STPG1: variants seen among roughly 807,000 people sequenced by gnomAD.
STPG1 encodes O(6)-methylguanine-induced apoptosis 2.
Under a neutral mutation model 40.1 loss-of-function variants are expected in STPG1, and 33 were observed. The ratio of observed to expected loss-of-function variants is 0.82; its 90% CI spans 0.62 to 1.10. The LOEUF (loss-of-function observed/expected upper bound fraction) is 1.10. Ranked by LOEUF, STPG1 falls within the 50% of genes least tolerant of loss-of-function variation. The probability of loss-of-function intolerance (pLI) is 0.00; values close to 1 mark genes in which losing one functional copy is unlikely to be tolerated. For missense variants in STPG1, 396 were observed against 415.1 expected, an observed-to-expected ratio of 0.95 and a Z score of 0.40; for synonymous variants, 150 against 155.0, an observed-to-expected ratio of 0.97 and a Z score of 0.24.
At chr1:24,371,566 G>A (rs1472400748) in intron 6 of STPG1, among the ~76,000 whole-genome samples, 1 of 150,014 alleles carries the variant, frequency 6.7e-6, no homozygotes, top group East Asian at 2.0e-4. Context: ...TCTCCAGCCT[G>A]GGCAACAGAG....
At chr1:24,383,746 C>A in intron 4 of STPG1, 156 bp downstream of exon 4, 1 of 585,178 alleles carries the variant, frequency 1.7e-6, no homozygotes, top group African/African-American at 1.9e-5. Flanking sequence ...ACACAGGGTC[C>A]AATTTACTTG....
Position 24,358,268 on chromosome 1 carries a change from G to A in STPG1, c.*275C>T, listed in dbSNP as rs1182408758. On this transcript the variant is annotated 3_prime_UTR_variant, in exon 9 of 9. Transcript: ENST00000337248. Reference sequence around the variant, plus strand: ...GGAAGGCAGCCTGGATGGGTGCGTGGGGAAGCAGCCAGGGGGCTCTGTCCA... The same window carrying A: ...GGAAGGCAGCCTGGATGGGTGCGTGAGGAAGCAGCCAGGGGGCTCTGTCCA... The A allele has an allele frequency of 7.8e-6, 5 of 641,618 alleles. No individual in the cohort carries two copies. Among genetic ancestry groups the A allele is most frequent in the Non-Finnish European group, 1.4e-5 (5 of 346,178 alleles). 39.7% of individuals were successfully genotyped at this position (641,618 alleles called of 1,614,324 possible). A position where few individuals can be genotyped will look rare whatever the true frequency, so the allele number is the denominator to read the frequency against.
Position 24,360,993 on chromosome 1 carries a change from C to T in STPG1, c.786G>A (p.Pro262=), listed in dbSNP as rs754801122. The T allele has an allele frequency of 3.7e-5, 60 of 1,613,348 alleles. No individual in the cohort carries two copies. The highest frequency in any genetic ancestry group is 6.7e-5 in the Admixed American group (4 of 59,872). ...NFSAQPSPLP[P]KPPFPGPGQY... is the part of the protein sequence containing the mutation. ...GACCAGGACCTGGGAAAGGTGGCTT[C>T]GGAGGCAGAGGCGAAGGCTGAGCAG... The change falls in exon 8 of 9, where the codon CCG becomes CCA. Residue 262 remains proline (P), a synonymous_variant. Transcript: ENST00000337248.
At chr1:24,410,420 C>T (rs952982654) in intron 1 of STPG1, among the ~76,000 whole-genome samples, 1 of 152,184 alleles carries the variant, frequency 6.6e-6, no homozygotes, top group African/African-American at 2.4e-5. Context: ...ACCATCCTGG[C>T]TAACACAGTG....
At chr1:24,364,880 A>G (rs1384541924) in intron 7 of STPG1, among the ~76,000 whole-genome samples, 2 of 152,340 alleles carry the variant, frequency 1.3e-5, no homozygotes, top group African/African-American at 4.8e-5. Context: ...GCAGCTTCCA[A>G]TGTGAGCTGT....
intron 7 of STPG1, 191 bp downstream of exon 7, chr1:24,369,483 A>T (rs973334986): frequency 2.8e-6 from 2 of 703,222 alleles, no homozygotes; most frequent in African/African-American, 3.5e-5. Flanking sequence ...CCTGGCACAC[A>T]GTGGTTGCTC....
intron 1 of STPG1, among the ~76,000 whole-genome samples, chr1:24,403,785 A>T (rs1186273220): frequency 6.6e-6 from 1 of 152,116 alleles, no homozygotes; most frequent in Non-Finnish European, 1.5e-5. Flanking sequence ...TAAGTAATTT[A>T]TATATATTAA....
Position 24,383,890 on chromosome 1 carries a change from A to G in STPG1, c.291+12T>C, listed in dbSNP as rs1470323123. 1 of 1,537,668 alleles carries G rather than the reference A, an allele frequency of 6.5e-7. No homozygotes were observed. Among genetic ancestry groups the G allele is most frequent in the Non-Finnish European group, 9.0e-7 (1 of 1,110,368 alleles). On this transcript the variant is annotated intron_variant, in intron 4 of 8. Transcript: ENST00000337248. The stretch of plus-strand genomic sequence containing the variant: ...ACCAGTTAATGCTTTACTCAAGAGA[A>G]GTGGTTCTCACCATTGAGGGAAACA...
intron 4 of STPG1, among the ~76,000 whole-genome samples, chr1:24,383,195 GA>G (rs1304559735): frequency 6.6e-6 from 1 of 152,198 alleles, no homozygotes; most frequent in African/African-American, 2.4e-5. Flanking sequence ...TTATAGGCAT[GA>G]GCCACCGTGC....
intron 8 of STPG1, 64 bp from the exon 9 acceptor site, chr1:24,358,683 A>G: frequency 7.6e-7 from 1 of 1,319,896 alleles, no homozygotes; most frequent in Non-Finnish European, 1.1e-6. Flanking sequence ...AGTCTCTGGC[A>G]TTCTACCTCA....
chr1:24,365,290 T>A (rs1641384000), intron 7 of STPG1, among the ~76,000 whole-genome samples: 2 of 152,160 alleles, frequency 1.3e-5, no homozygotes, highest in South Asian at 4.1e-4. Context: ...AGGAAGCAGA[T>A]CAAGGGTTAG....
intron 1 of STPG1, among the ~76,000 whole-genome samples, chr1:24,413,104 T>C (rs1268373746): frequency 1.3e-5 from 2 of 152,248 alleles, no homozygotes; most frequent in Admixed American, 1.3e-4. Context: ...CTTACATTTT[T>C]TCAAAGCACT....
intron 8 of STPG1, among the ~76,000 whole-genome samples, chr1:24,358,912 T>G (rs760384931): frequency 2.0e-5 from 3 of 152,164 alleles, no homozygotes; most frequent in Non-Finnish European, 2.9e-5. Context: ...AGTAAAGCAA[T>G]ATTCTTAAAG....
Position 24,358,378 on chromosome 1 carries a change from A to C in STPG1, c.*165T>G, listed in dbSNP as rs1372527069. The stretch of plus-strand genomic sequence containing the variant: ...GAGCAATGTCTCCAGCTCAAGACAA[A>C]GGCAATGGCAGCAGTCCGGCTAGGA... On this transcript the variant is annotated 3_prime_UTR_variant, in exon 9 of 9. Coordinates refer to ENST00000337248, the MANE Select transcript of STPG1 (RefSeq NM_001199013.2). The C allele has an allele frequency of 1.4e-6, 1 of 721,226 alleles. No homozygotes were observed. Among genetic ancestry groups the C allele is most frequent in the African/African-American group, 1.7e-5 (1 of 57,702 alleles). The allele number at this position is 721,226 out of a possible 1,614,324, so 44.7% of individuals were successfully genotyped here.
Position 24,395,577 on chromosome 1 carries a change from C to T in STPG1, c.71-3898G>A, listed in dbSNP as rs1003463847. Among the ~76,000 whole-genome samples the T allele has an allele frequency of 8.6e-5, 13 of 151,710 alleles. No homozygotes were observed. The East Asian group carries it at 1.4e-3, about 16-fold the overall frequency. ...CCTCCCGAGTAGCTGGGACTACAGG[C>T]GCCCGCCACCGCGCCCGGCTAATTT... On this transcript the variant is annotated intron_variant, in intron 2 of 8. Coordinates refer to ENST00000337248, the MANE Select transcript of STPG1 (RefSeq NM_001199013.2).
At chr1:24,410,355 A>G (rs1366872651) in intron 1 of STPG1, among the ~76,000 whole-genome samples, 1 of 152,224 alleles carries the variant, frequency 6.6e-6, no homozygotes, top group Admixed American at 6.5e-5. Flanking sequence ...TCACACCTGT[A>G]ATCCCAGCAC....
rs542674489 is a variant in STPG1, at chr1:24,367,286, T to C, written c.737+2388A>G. On this transcript the variant is annotated intron_variant, in intron 7 of 8. Coordinates refer to ENST00000337248, the MANE Select transcript of STPG1 (RefSeq NM_001199013.2). ...TGCAAACGCCATAAAATAAGAACGA[T>C]CTCAAACCACCTGTTCAAACTTGAG... 2.6e-5 allele frequency among the ~76,000 whole-genome samples: 4 copies of C among 152,276 alleles called. No homozygotes were observed. The East Asian group carries it at 5.8e-4, about 22-fold the overall frequency.
Position 24,401,518 on chromosome 1 carries a change from G to A in STPG1, c.-68-62C>T, listed in dbSNP as rs1643227879. The A allele has an allele frequency of 6.5e-6, 5 of 765,606 alleles. No individual in the cohort carries two copies. In the Admixed American group the frequency reaches 8.4e-5, roughly 13 times the overall value. 47.4% of individuals were successfully genotyped at this position (765,606 alleles called of 1,614,324 possible). On this transcript the variant is annotated intron_variant, in intron 1 of 8. Transcript: ENST00000337248. ...TCACATTGGTTAATTATTGCAAATG[G>A]GTTCTGTTCTATCTACAGGGTAAAC...
chr1:24,402,792 C>T (rs563590876), intron 1 of STPG1, among the ~76,000 whole-genome samples: 1 of 151,752 alleles, frequency 6.6e-6, no homozygotes, highest in Admixed American at 6.6e-5. Flanking sequence ...ACCACAAAAC[C>T]CAAAAACAAT....
Sources: gnomAD v4.1 joint callset for allele counts (sites outside exome capture counted in the v4.1 genomes callset) on GRCh38, gnomAD v4.1.1 for gene constraint, MANE v1.5 for transcripts, NCBI Gene and HGNC (gene_info 2026-07-23, HGNC 2026-07-21) for gene names.